Variants in POLE observed in about 807,000 individuals in gnomAD.
POLE encodes the protein DNA polymerase epsilon, catalytic subunit.
A neutral mutation model predicts 279.2 loss-of-function variants in POLE; 188 were observed. The observed-to-expected ratio is 0.67, with a 90% CI of 0.60 to 0.76. POLE has a LOEUF of 0.76. Among genes scored for constraint, POLE ranks in the 30% least tolerant of loss-of-function variants. The probability of loss-of-function intolerance (pLI) is 0.00; values close to 1 mark genes in which losing one functional copy is unlikely to be tolerated. For synonymous variants in POLE, 1,214 were observed against 1,172.5 expected (o/e 1.04, Z -0.72); for missense variants, 2,703 against 3,016.7 (o/e 0.90, Z 2.44).
Position 132,647,737 on chromosome 12 carries a change from CG to C in POLE, c.4149+1191del, listed in dbSNP as rs1197689383. Among the ~76,000 whole-genome samples the C allele has an allele frequency of 3.9e-5, 6 of 152,208 alleles. No homozygotes were observed. The South Asian group carries it at 6.2e-4, about 16-fold the overall frequency. ...TCCCAAAAGTTAGGGCACTTCCACACGGCCACAGCACCACAGCACCACGCAT... is the reference window on the plus strand; with the variant it reads ...TCCCAAAAGTTAGGGCACTTCCACACGCCACAGCACCACAGCACCACGCAT... On this transcript the variant is annotated intron_variant, in intron 32 of 48. Coordinates refer to ENST00000320574, the MANE Select transcript of POLE (RefSeq NM_006231.4).
At chr12:132,653,868 TGAG>T (rs2042476101) in intron 29 of POLE, among the ~76,000 whole-genome samples, 1 of 152,112 alleles carries the variant, frequency 6.6e-6, no homozygotes, top group Non-Finnish European at 1.5e-5. Flanking sequence ...AACTTTAACA[TGAG>T]CAGATGTTAA....
At chr12:132,653,043 G>T (rs901398103) in intron 29 of POLE, among the ~76,000 whole-genome samples, 6 of 152,154 alleles carry the variant, frequency 3.9e-5, no homozygotes, top group African/African-American at 1.4e-4. Context: ...TGTAAAGATG[G>T]TACCTCTTTT....
chr12:132,632,505 A>C lies in POLE; in HGVS notation c.6140T>G (p.Met2047Arg), dbSNP rs1060500829. 1 of 1,614,018 alleles carries C rather than the reference A, an allele frequency of 6.2e-7. No individual in the cohort carries two copies. The highest frequency in any genetic ancestry group is 8.5e-7 in the Non-Finnish European group (1 of 1,179,866). The change falls in exon 45 of 49, where the codon ATG becomes AGG. Residue 2047 changes from methionine (M) to arginine (R), a missense_variant. By Grantham distance (91) the Met-to-Arg change is moderately conservative. Transcript: ENST00000320574. ...GACATAATCCTGAGAGAAGGTGATC[A>C]TTCCTGGAAGTATAAGGATGCTGAG... ...AEGAVGALPG[M>R]ITFSQDYVAN...
At chr12:132,670,494 C>T (rs970068332) in intron 16 of POLE, among the ~76,000 whole-genome samples, 2 of 151,070 alleles carry the variant, frequency 1.3e-5, no homozygotes, top group Non-Finnish European at 2.9e-5. Flanking sequence ...GGTGATCCAC[C>T]CGCCTCAGCC....
intron 40 of POLE, 131 bp downstream of exon 40, chr12:132,638,994 T>C (rs2042087117): frequency 2.5e-6 from 2 of 792,656 alleles, no homozygotes; most frequent in East Asian, 2.5e-5. Flanking sequence ...CTTTGGATTG[T>C]TATGCTCCAC....
rs1025864203 is a variant in POLE, at chr12:132,649,685, T to C, written c.3787A>G (p.Thr1263Ala). The change falls in exon 30 of 49, where the codon ACC (threonine) becomes GCC (alanine). Residue 1263 changes from threonine (T) to alanine (A), a missense_variant. Transcript: ENST00000320574. The stretch of plus-strand genomic sequence containing the variant: ...ACAGCTGTGTGCCTTACCTGGCTGG[T>C]TCCCAGGGCGGGAGGCTGCCCCAAG... The part of the protein sequence containing the change: ...EILGQPPALG[T>A]SQEEWLVWLR... 13 of 1,613,808 alleles carry C rather than the reference T, an allele frequency of 8.1e-6. 1 individual carries two copies. In the South Asian group the frequency reaches 1.3e-4, roughly 16 times the overall value.
At chr12:132,656,486 G>T (rs1016900095) in intron 29 of POLE, among the ~76,000 whole-genome samples, 1 of 151,948 alleles carries the variant, frequency 6.6e-6, no homozygotes, top group African/African-American at 2.4e-5. Context: ...AGCCTCCCGA[G>T]TAGCTAGGAC....
In POLE at chr12:132,676,074, C is replaced by T; in HGVS notation, c.1020+20G>A. 6.6e-7 allele frequency: 1 copy of T among 1,510,948 alleles called. No homozygotes were observed. The highest frequency in any genetic ancestry group is 2.3e-5 in the East Asian group (1 of 44,436). 93.6% of individuals were successfully genotyped at this position (1,510,948 alleles called of 1,614,324 possible). Reference sequence around the variant, plus strand: ...TTCTTCCCACAATACCGGGTAGTTTCCCAAGTGATACCTCCTTACCTCATC... The same window carrying T: ...TTCTTCCCACAATACCGGGTAGTTTTCCAAGTGATACCTCCTTACCTCATC... On this transcript the variant is annotated intron_variant, in intron 10 of 48. Coordinates refer to ENST00000320574, the MANE Select transcript of POLE (RefSeq NM_006231.4).
At chr12:132,642,041 C>A (rs5744953) in intron 38 of POLE, 136 bp downstream of exon 38, 1 of 952,446 alleles carries the variant, frequency 1.0e-6, no homozygotes, top group Non-Finnish European at 1.6e-6. Context: ...ACCCCAGGAC[C>A]GTCTCCTGCA....
At chr12:132,673,831 C>T (rs912328035) in intron 12 of POLE, 124 bp from the exon 13 acceptor site, 1 of 1,059,858 alleles carries the variant, frequency 9.4e-7, no homozygotes, top group South Asian at 1.4e-5. Flanking sequence ...CCAGGAGCCT[C>T]ACACCAAGGC....
At chr12:132,673,757 G>T (rs201565127) in intron 12 of POLE, 50 bp from the exon 13 acceptor site, 1 of 1,605,036 alleles carries the variant, frequency 6.2e-7, no homozygotes, top group South Asian at 1.1e-5. Flanking sequence ...CATGCAGCCC[G>T]GGAACCCCTG....
chr12:132,681,113 G>A (rs2043156741), intron 2 of POLE, 25 bp downstream of exon 2: 7 of 1,613,042 alleles, frequency 4.3e-6, no homozygotes, highest in Non-Finnish European at 5.9e-6. Flanking sequence ...CATATTCCTG[G>A]GTGGGAGAAG....
rs1437075270 is a variant in POLE, at chr12:132,673,656, C to T, written c.1278G>A (p.Ala426=). Residue 426 remains alanine (A), a synonymous_variant, in exon 13 of 49, where the codon GCG becomes GCA. Transcript: ENST00000320574. The part of the protein sequence containing the change: ...YLPVGSHNLK[A]AAKAKLGYDP... ...CATAGCCTAGCTTGGCCTTGGCGGC[C>T]GCCTTGAGATTATGACTGCCCACAG... is the stretch of plus-strand genomic sequence containing the variant. 3.1e-6 allele frequency: 5 copies of T among 1,613,866 alleles called. No homozygotes were observed. The highest frequency in any genetic ancestry group is 1.3e-5 in the African/African-American group (1 of 74,920).
At chr12:132,632,989 CGCTG>C (rs2138466818) in intron 43 of POLE, 194 bp from the exon 44 acceptor site, 1 of 588,102 alleles carries the variant, frequency 1.7e-6, no homozygotes, top group East Asian at 3.0e-5. Context: ...AAGGAACACT[CGCTG>C]ACACCTGAGT....
At chr12:132,650,827 AC>A (rs2042406245) in intron 29 of POLE, 1 of 150,478 alleles carries the variant, frequency 6.6e-6, no homozygotes, top group Non-Finnish European at 1.5e-5. Flanking sequence ...GTAAGTTTTA[AC>A]CTAAATAGTA....
chr12:132,680,620 C>T lies in POLE; in HGVS notation c.272G>A (p.Gly91Glu), dbSNP rs376348304. 7.4e-6 allele frequency: 12 copies of T among 1,613,566 alleles called. No individual in the cohort carries two copies. Among genetic ancestry groups the T allele is most frequent in the East Asian group, 2.2e-5 (1 of 44,892 alleles). ...TCAGGGGCTTACCTTAAATCTGCTT[C>T]CGTCATCTTGAATAAAGTAGTAATC... ...AVDYYFIQDD[G>E]SRFKVALPYK... is the part of the protein sequence containing the mutation. Residue 91 changes from glycine (G) to glutamate (E), a missense_variant, in exon 3 of 49, where the codon GGA becomes GAA. Transcript: ENST00000320574.
At chr12:132,685,551 T>C (rs1476351672) in intron 1 of POLE, among the ~76,000 whole-genome samples, 1 of 152,224 alleles carries the variant, frequency 6.6e-6, no homozygotes, top group African/African-American at 2.4e-5. Flanking sequence ...GCATGTAAGG[T>C]AAAAGCCATC....
Position 132,677,631 on chromosome 12 carries a change from C to T in POLE, c.667G>A (p.Glu223Lys), listed in dbSNP as rs761757009. Residue 223 changes from glutamate (E) to lysine (K), a missense_variant, in exon 7 of 49, where the codon GAG (glutamate) becomes AAG (lysine). Glu to Lys is a moderately conservative substitution (Grantham distance 56). Around this residue, in one of 5 missense-constraint regions of POLE, gnomAD observed 1,011 missense variants for 1,111.7 expected, o/e 0.91. Coordinates refer to ENST00000320574, the MANE Select transcript of POLE (RefSeq NM_006231.4). The part of the protein sequence containing the change: ...DQLDNIVDMR[E>K]YDVPYHIRLS... ...CGGATGTGGTAGGGAACATCGTACTCGCGCATGTCCACAATGTTGTCCAAC... is the reference window on the plus strand; with the variant it reads ...CGGATGTGGTAGGGAACATCGTACTTGCGCATGTCCACAATGTTGTCCAAC... The T allele has an allele frequency of 1.9e-6, 3 of 1,614,040 alleles. No homozygotes were observed. The highest frequency in any genetic ancestry group is 1.7e-6 in the Non-Finnish European group (2 of 1,180,036).
rs1413112468 is a variant in POLE at position 132,649,443 on chromosome 12, T to G, written c.3868A>C (p.Arg1290=). Residue 1290 remains arginine, a synonymous_variant, in exon 31 of 49, where the codon AGG becomes CGG. Coordinates refer to ENST00000320574, the MANE Select transcript of POLE (RefSeq NM_006231.4). ...QLQARQRLAR[R]KRQRLESAEG... ...GCCGACTCCAGACGCTGCCTCTTCC[T>G]GCGGGCGAGGCGCTGCCGGGCCTGC... The G allele has an allele frequency of 6.2e-7, 1 of 1,612,598 alleles. No individual in the cohort carries two copies. Among genetic ancestry groups the G allele is most frequent in the Non-Finnish European group, 8.5e-7 (1 of 1,179,992 alleles).
Sources: gnomAD v4.1 joint callset for allele counts (sites outside exome capture counted in the v4.1 genomes callset) on GRCh38, gnomAD v4.1.1 for gene constraint, gnomAD v4.1.1 regional missense constraint, MANE v1.5 for transcripts, NCBI Gene and HGNC (gene_info 2026-07-23, HGNC 2026-07-21) for gene names.